The following CAMTA1 variants were observed in gnomAD, a reference collection of about 807,000 sequenced individuals.
The protein encoded by CAMTA1 is calmodulin binding transcription activator 1.
In CAMTA1, 27 loss-of-function variants were observed where a neutral mutation model predicts 170.9. That is an observed-to-expected ratio of 0.16 (90% CI 0.12 to 0.22). The LOEUF is 0.22. CAMTA1 is among the 10% of genes least tolerant of loss of function. CAMTA1 has a pLI of 1.00. For synonymous variants in CAMTA1, 833 were observed against 891.5 expected, an observed-to-expected ratio of 0.93 and a Z score of 1.17; for missense variants, 1,619 against 2,217.2, an observed-to-expected ratio of 0.73 and a Z score of 5.42.
At chr1:7,596,180 A>G (rs2150525825) in intron 6 of CAMTA1, among the ~76,000 whole-genome samples, 1 of 152,296 alleles carries the variant, frequency 6.6e-6, no homozygotes, top group Admixed American at 6.5e-5. Context: ...GGCTGGTGCA[A>G]GTGGGGCATC....
At chr1:7,309,836 T>C (rs2149602240) in intron 5 of CAMTA1, among the ~76,000 whole-genome samples, 1 of 152,076 alleles carries the variant, frequency 6.6e-6, no homozygotes. Flanking sequence ...ACAGATTCCT[T>C]TACTCCCTCA....
rs1222441594 is a variant in CAMTA1, at chr1:7,534,878, C to G, written c.510+66977C>G. 6.6e-6 allele frequency among the ~76,000 whole-genome samples: 1 copy of G among 151,956 alleles called. No homozygotes were observed. Among genetic ancestry groups the G allele is most frequent in the Non-Finnish European group, 1.5e-5 (1 of 68,008 alleles). On this transcript the variant is annotated intron_variant, in intron 6 of 22. Transcript: ENST00000303635. This position sits in a 1 kb window ranked among gnomAD's most constrained non-coding sequence, Gnocchi z 5.6. ...CCAGAGGAAGTGGGTTTGCCTTTTG[C>G]CTGGTACAGATGACTCTGTCTCGAT...
At chr1:7,016,090 C>T (rs548650885) in intron 3 of CAMTA1, among the ~76,000 whole-genome samples, 38 of 152,064 alleles carry the variant, frequency 2.5e-4, no homozygotes, top group Non-Finnish European at 5.0e-4. Flanking sequence ...CAAACCATGT[C>T]ATGCAGCCAC....
In CAMTA1 at chr1:7,146,650, C is replaced by T. The variant is rs976745875; in HGVS notation, c.302+55279C>T. ...CCCTGGGGCTGGGTCCTCACTGCTT[C>T]CCTGGGACCGGCTGTGTAGGGGTTG... On this transcript the variant is annotated intron_variant, in intron 4 of 22. Transcript: ENST00000303635. This position sits in a 1 kb window ranked among gnomAD's most constrained non-coding sequence, Gnocchi z 4.3. Among the ~76,000 whole-genome samples, 1 of 152,076 alleles carries T rather than the reference C, an allele frequency of 6.6e-6. No individual in the cohort carries two copies. Among genetic ancestry groups the T allele is most frequent in the Admixed American group, 6.5e-5 (1 of 15,268 alleles).
intron 6 of CAMTA1, among the ~76,000 whole-genome samples, chr1:7,513,321 G>A (rs1011827232): frequency 1.3e-5 from 2 of 152,160 alleles, no homozygotes; most frequent in Non-Finnish European, 2.9e-5. Flanking sequence ...GGGGTCAGGA[G>A]AGCCACCTTG....
intron 6 of CAMTA1, among the ~76,000 whole-genome samples, chr1:7,610,223 A>G (rs1209259233): frequency 6.6e-6 from 1 of 152,196 alleles, no homozygotes; most frequent in Non-Finnish European, 1.5e-5. Flanking sequence ...CAGCACATAG[A>G]GACATTAAAG....
chr1:7,151,468 G>T (rs61779982), intron 4 of CAMTA1, among the ~76,000 whole-genome samples: 22,325 of 152,192 alleles, frequency 0.15, 1,969 homozygotes, highest in Middle Eastern at 0.21. Flanking sequence ...AGCTCCTGTT[G>T]TGTCCCTGCC....
intron 5 of CAMTA1, among the ~76,000 whole-genome samples, chr1:7,329,975 C>T (rs948729202): frequency 1.3e-5 from 2 of 152,168 alleles, no homozygotes; most frequent in Admixed American, 6.5e-5. Flanking sequence ...TGGGTAACAA[C>T]GGCCACAGAT....
At chr1:7,504,510 G>A (rs2094067846) in intron 6 of CAMTA1, among the ~76,000 whole-genome samples, 1 of 152,256 alleles carries the variant, frequency 6.6e-6, no homozygotes, top group Non-Finnish European at 1.5e-5. Context: ...CCTGCTTCCA[G>A]GGCCCTCAGA....
intron 11 of CAMTA1, among the ~76,000 whole-genome samples, chr1:7,704,540 T>C (rs2096484498): frequency 6.8e-6 from 1 of 147,706 alleles, no homozygotes; most frequent in East Asian, 2.0e-4. Flanking sequence ...CCAGCGCGGC[T>C]CGGGCGCAGT....
chr1:7,512,216 A>G (rs945577745), intron 6 of CAMTA1, among the ~76,000 whole-genome samples: 7 of 152,236 alleles, frequency 4.6e-5, no homozygotes, highest in Non-Finnish European at 8.8e-5. Flanking sequence ...CCAAAGATAA[A>G]GCAGAGAACC....
rs180907373 is a variant in CAMTA1 at position 7,323,758 on chromosome 1, G to A, written c.438+74132G>A. 1.2e-3 allele frequency among the ~76,000 whole-genome samples: 190 copies of A among 152,170 alleles called. No individual in the cohort carries two copies. The Middle Eastern group carries it at 0.014, about 11-fold the overall frequency. On this transcript the variant is annotated intron_variant, in intron 5 of 22. Transcript: ENST00000303635. ...AAGGCAGAGATGATTGTCTTCTTTT[G>A]TTCACCGTTGTAGCCTTAATGCACA...
At chr1:7,446,660 G>A (rs565038946) in intron 5 of CAMTA1, among the ~76,000 whole-genome samples, 13 of 152,336 alleles carry the variant, frequency 8.5e-5, no homozygotes, top group Admixed American at 2.6e-4. Context: ...CTCTGTGGGC[G>A]ATGAAGAAGG....
chr1:7,727,973 G>T (rs1027249491), intron 11 of CAMTA1, among the ~76,000 whole-genome samples: 2 of 152,212 alleles, frequency 1.3e-5, no homozygotes, highest in African/African-American at 4.8e-5. Flanking sequence ...TTTGAGATTG[G>T]TTTTTTATTT....
Position 7,063,445 on chromosome 1 carries a change from C to T in CAMTA1, c.235-27859C>T, listed in dbSNP as rs1347404197. On this transcript the variant is annotated intron_variant, in intron 3 of 22. Transcript: ENST00000303635. This position sits in a 1 kb window ranked among gnomAD's most constrained non-coding sequence, Gnocchi z 4.3. ...GGGCATCTCTGGAGAGAATGTTCCACGGAGCACACCTCGGGAAACACTAGT... is the reference window on the plus strand; with the variant it reads ...GGGCATCTCTGGAGAGAATGTTCCATGGAGCACACCTCGGGAAACACTAGT... Among the ~76,000 whole-genome samples the T allele has an allele frequency of 6.6e-6, 1 of 152,174 alleles. No individual in the cohort carries two copies. Among genetic ancestry groups the T allele is most frequent in the African/African-American group, 2.4e-5 (1 of 41,444 alleles).
intron 11 of CAMTA1, among the ~76,000 whole-genome samples, chr1:7,699,223 C>T (rs1481463479): frequency 6.6e-6 from 1 of 152,142 alleles, no homozygotes; most frequent in East Asian, 1.9e-4. Flanking sequence ...AATTTTAGAA[C>T]ATTTTCATCC....
In CAMTA1 at chr1:7,251,888, T is replaced by TGC. The variant is rs140609726; in HGVS notation, c.438+2264_438+2265dup. Among the ~76,000 whole-genome samples the TGC allele has an allele frequency of 6.6e-6, 1 of 152,096 alleles. No individual in the cohort carries two copies. Among genetic ancestry groups the TGC allele is most frequent in the Admixed American group, 6.6e-5 (1 of 15,264 alleles). On this transcript the variant is annotated intron_variant, in intron 5 of 22. Transcript: ENST00000303635. The surrounding 1 kb of genome is among the most constrained non-coding windows in gnomAD (Gnocchi z 5.1). ...GTATATATGTTTGTGTGTGTGTGTG[T>TGC]GCGTATGTGCAATTTACATATTGTT... is the stretch of plus-strand genomic sequence containing the variant.
intron 5 of CAMTA1, among the ~76,000 whole-genome samples, chr1:7,394,839 G>C (rs1035051701): frequency 1.4e-5 from 2 of 146,288 alleles, no homozygotes; most frequent in African/African-American, 2.5e-5. Context: ...GTGTGTGTGT[G>C]TGTCTGTGTG....
chr1:7,375,026 G>A (rs1311770037), intron 5 of CAMTA1, among the ~76,000 whole-genome samples: 1 of 152,122 alleles, frequency 6.6e-6, no homozygotes, highest in Non-Finnish European at 1.5e-5. Context: ...TGGTGGATGC[G>A]ATAACCAGCA....
Sources: allele counts gnomAD v4.1 joint callset (sites outside exome capture counted in the v4.1 genomes callset), GRCh38; gene constraint gnomAD v4.1.1; non-coding constraint Gnocchi (gnomAD v3.1); transcripts MANE v1.5; gene names NCBI Gene and HGNC (gene_info 2026-07-23, HGNC 2026-07-21).